EDNRB: variants seen among roughly 807,000 people sequenced by gnomAD.
EDNRB encodes the protein Hirschsprung disease 2.
EDNRB carries 18 observed loss-of-function variants against 46.4 expected under a neutral mutation model. The observed-to-expected ratio is 0.39, with a 90% CI of 0.27 to 0.57. The LOEUF is 0.57. Among genes scored for constraint, EDNRB ranks in the 20% least tolerant of loss-of-function variants. EDNRB has a pLI of 0.61. For synonymous variants in EDNRB, 213 were observed against 204.9 expected (o/e 1.04, Z -0.34); for missense variants, 434 against 537.5 (o/e 0.81, Z 1.90).
At position 77,897,410 on chromosome 13, in the gene EDNRB, A is replaced by G. The variant is rs1008250940; in HGVS notation, c.*790T>C. ...AGTCTTTTGGGATAGCCTTTCAAAC[A>G]TTCTATTTCTCTTTGTGAGGTTTGA... On this transcript the variant is annotated 3_prime_UTR_variant, in exon 7 of 7. Coordinates refer to ENST00000646607, the MANE Select transcript of EDNRB (RefSeq NM_001122659.3). The G allele has an allele frequency of 1.7e-5, 17 of 985,112 alleles. No homozygotes were observed. The African/African-American group carries it at 2.4e-4, about 14-fold the overall frequency. The allele number at this position is 985,112 out of a possible 1,614,324, so 61.0% of individuals were successfully genotyped here.
upstream of EDNRB, chr13:77,918,961 G>A: frequency 9.1e-7 from 1 of 1,095,726 alleles, no homozygotes; most frequent in Non-Finnish European, 1.1e-6. The surrounding 1 kb of genome is among the most constrained non-coding windows in gnomAD (Gnocchi z 4.5). Context: ...GAGGAATACA[G>A]ACACGTCTTA....
intron 1 of EDNRB, among the ~76,000 whole-genome samples, chr13:77,950,996 G>A (rs1004776465): frequency 6.6e-6 from 1 of 152,156 alleles, no homozygotes; most frequent in Non-Finnish European, 1.5e-5. Flanking sequence ...AGGTTTTTAA[G>A]GCCAGCTACA....
rs373201866 is a variant in EDNRB, at chr13:77,972,087, G to A, written c.-52+3260C>T. ...TGAAGTGAACTTAATGTTGGGAAGC[G>A]GAAGCTGGATGGCCCTTGGGGGCTG... On this transcript the variant is annotated intron_variant, in intron 1 of 7. Transcript: ENST00000646948. 6.2e-4 allele frequency among the ~76,000 whole-genome samples: 95 copies of A among 152,320 alleles called. No individual in the cohort carries two copies. In the East Asian group the frequency reaches 8.9e-3, roughly 14 times the overall value.
At chr13:77,958,411 C>T (rs1291838151) in intron 1 of EDNRB, among the ~76,000 whole-genome samples, 2 of 152,094 alleles carry the variant, frequency 1.3e-5, no homozygotes, top group Non-Finnish European at 2.9e-5. Context: ...GTCTCGCTGT[C>T]TCCCAGGCTG....
intron 1 of EDNRB, among the ~76,000 whole-genome samples, chr13:77,961,313 C>T (rs1211111009): frequency 6.6e-6 from 1 of 152,146 alleles, no homozygotes; most frequent in Non-Finnish European, 1.5e-5. Flanking sequence ...TAGACATCTA[C>T]AGAACTCTCC....
At chr13:77,968,771 C>T (rs1422209986) in intron 1 of EDNRB, among the ~76,000 whole-genome samples, 1 of 152,146 alleles carries the variant, frequency 6.6e-6, no homozygotes, top group South Asian at 2.1e-4. Context: ...ACGTCTTCTG[C>T]CTCCTGAGCT....
intron 1 of EDNRB, among the ~76,000 whole-genome samples, chr13:77,943,410 G>T (rs1880808375): frequency 6.6e-6 from 1 of 151,996 alleles, no homozygotes; most frequent in African/African-American, 2.4e-5. Context: ...ATAATCCTTA[G>T]AACTTAGCTA....
At position 77,896,704 on chromosome 13, in the gene EDNRB, C is replaced by A. The variant is rs143210700; in HGVS notation, c.*1496G>T. 4 of 1,422,530 alleles carry A rather than the reference C, an allele frequency of 2.8e-6. No homozygotes were observed. Among genetic ancestry groups the A allele is most frequent in the South Asian group, 1.6e-5 (1 of 64,418 alleles). The allele number at this position is 1,422,530 out of a possible 1,614,324, so 88.1% of individuals were successfully genotyped here. On this transcript the variant is annotated 3_prime_UTR_variant, in exon 7 of 7. Transcript: ENST00000646607. ...ATCAGGACCTTTTGCATTGATGTGACGAGGCAATGACGAACGTTAGGCTAA... is the reference window on the plus strand; with the variant it reads ...ATCAGGACCTTTTGCATTGATGTGAAGAGGCAATGACGAACGTTAGGCTAA...
At chr13:77,907,530 C>T (rs1380427810) in intron 1 of EDNRB, among the ~76,000 whole-genome samples, 1 of 151,960 alleles carries the variant, frequency 6.6e-6, no homozygotes, top group Non-Finnish European at 1.5e-5. Flanking sequence ...ACCTATCTAC[C>T]TATCCATCCA....
rs200042120 is a variant in EDNRB at position 77,896,687 on chromosome 13, C to T, written c.*1513G>A. On this transcript the variant is annotated 3_prime_UTR_variant, in exon 7 of 7. Coordinates refer to ENST00000646607, the MANE Select transcript of EDNRB (RefSeq NM_001122659.3). ...TGTTTTGCTGGAACAAAATCAGGAC[C>T]TTTTGCATTGATGTGACGAGGCAAT... The T allele has an allele frequency of 1.4e-6, 2 of 1,447,332 alleles. No individual in the cohort carries two copies. The highest frequency in any genetic ancestry group is 2.6e-5 in the Admixed American group (1 of 37,920). The allele number at this position is 1,447,332 out of a possible 1,614,324, so 89.7% of individuals were successfully genotyped here. A position where few individuals can be genotyped will look rare whatever the true frequency, so the allele number is the denominator to read the frequency against.
At chr13:77,935,679 G>A (rs534208319) in intron 1 of EDNRB, among the ~76,000 whole-genome samples, 5 of 152,312 alleles carry the variant, frequency 3.3e-5, no homozygotes, top group Non-Finnish European at 5.9e-5. Flanking sequence ...AGTAATGGGG[G>A]CTGTCTGTGA....
At chr13:77,947,181 C>T (rs1456811621) in intron 1 of EDNRB, among the ~76,000 whole-genome samples, 1 of 152,104 alleles carries the variant, frequency 6.6e-6, no homozygotes, top group African/African-American at 2.4e-5. Flanking sequence ...GATCACTAAT[C>T]ATTATCACTA....
intron 1 of EDNRB, among the ~76,000 whole-genome samples, chr13:77,952,770 A>G (rs1301265416): frequency 1.3e-5 from 2 of 152,150 alleles, no homozygotes; most frequent in Admixed American, 1.3e-4. Context: ...TGTTTATCCT[A>G]TCAAGGGGCC....
intron 1 of EDNRB, among the ~76,000 whole-genome samples, chr13:77,965,067 C>T (rs746791303): frequency 2.6e-4 from 40 of 152,208 alleles, no homozygotes; most frequent in Non-Finnish European, 4.1e-4. Context: ...CTGTCTTAGC[C>T]CTCTTCTGAT....
chr13:77,933,168 AT>A (rs1880450299), intron 1 of EDNRB, among the ~76,000 whole-genome samples: 4 of 152,250 alleles, frequency 2.6e-5, no homozygotes, highest in African/African-American at 9.6e-5. Context: ...AATATCACAT[AT>A]AGGTTACACT....
intron 1 of EDNRB, among the ~76,000 whole-genome samples, chr13:77,963,038 A>G (rs1006957162): frequency 2.6e-5 from 4 of 152,212 alleles, no homozygotes; most frequent in African/African-American, 7.2e-5. Context: ...AAGGAGAATA[A>G]AATACCTAGG....
At chr13:77,930,329 T>C (rs1188067840) in intron 1 of EDNRB, among the ~76,000 whole-genome samples, 3 of 152,300 alleles carry the variant, frequency 2.0e-5, no homozygotes, top group Non-Finnish European at 2.9e-5. Context: ...AGATGACTTG[T>C]TTATTTCAAG....
intron 1 of EDNRB, among the ~76,000 whole-genome samples, chr13:77,906,469 C>A (rs147503028): frequency 2.0e-5 from 3 of 152,112 alleles, no homozygotes; most frequent in African/African-American, 7.2e-5. Flanking sequence ...TACAATGTGA[C>A]AAAAGTGATG....
intron 1 of EDNRB, among the ~76,000 whole-genome samples, chr13:77,972,523 T>G (rs934932668): frequency 6.6e-6 from 1 of 152,142 alleles, no homozygotes; most frequent in Non-Finnish European, 1.5e-5. Flanking sequence ...AGCTCTATGT[T>G]GGGGGGCAAG....
Sources: allele counts gnomAD v4.1 joint callset (sites outside exome capture counted in the v4.1 genomes callset), GRCh38; gene constraint gnomAD v4.1.1; non-coding constraint Gnocchi (gnomAD v3.1); transcripts MANE v1.5; gene names NCBI Gene and HGNC (gene_info 2026-07-23, HGNC 2026-07-21).